The following RAB28 variants were observed in gnomAD, a reference collection of about 807,000 sequenced individuals.
RAB28 encodes RAB28, member RAS oncogene family, also known as ras-related protein Rab-28.
Under a neutral mutation model 31.7 loss-of-function variants are expected in RAB28, and 24 were observed. The ratio of observed to expected loss-of-function variants is 0.76; its 90% CI spans 0.55 to 1.06. RAB28 has a LOEUF of 1.06. RAB28 is among the 50% of genes least tolerant of loss of function. The pLI, the probability that RAB28 is intolerant of heterozygous loss-of-function variation, is 0.00. For synonymous variants in RAB28, 100 were observed against 90.4 expected, an observed-to-expected ratio of 1.11 and a Z score of -0.60; for missense variants, 254 against 258.5, an observed-to-expected ratio of 0.98 and a Z score of 0.12.
intron 4 of RAB28, among the ~76,000 whole-genome samples, chr4:13,447,506 T>C (rs564270380): frequency 4.6e-5 from 7 of 152,284 alleles, no homozygotes; most frequent in African/African-American, 1.2e-4. Context: ...ACCTGTTGAA[T>C]TGATTTACTT....
At chr4:13,482,517 G>A (rs916389278) in intron 1 of RAB28, among the ~76,000 whole-genome samples, 1 of 152,090 alleles carries the variant, frequency 6.6e-6, no homozygotes, top group African/African-American at 2.4e-5. Flanking sequence ...CAAAACCTTA[G>A]ACGGCCTTCA....
chr4:13,407,124 G>T (rs932108541), intron 4 of RAB28, among the ~76,000 whole-genome samples: 8 of 152,136 alleles, frequency 5.3e-5, no homozygotes, highest in Non-Finnish European at 1.2e-4. Flanking sequence ...TTCTTCTAGG[G>T]TATTTATGGT....
At chr4:13,422,106 C>A (rs564966273) in intron 4 of RAB28, among the ~76,000 whole-genome samples, 1 of 151,538 alleles carries the variant, frequency 6.6e-6, no homozygotes, top group Non-Finnish European at 1.5e-5. Flanking sequence ...TGAACAGACA[C>A]TTCTCTAAAG....
chr4:13,371,933 C>A, intron 6 of RAB28: 2 of 1,404,922 alleles, frequency 1.4e-6, no homozygotes, highest in South Asian at 2.5e-5. Context: ...GAGCATTTGC[C>A]AAGTGTATAC....
At chr4:13,371,603 A>G (rs1728716034) in intron 6 of RAB28, 1 of 985,198 alleles carries the variant, frequency 1.0e-6, no homozygotes, top group African/African-American at 1.7e-5. Flanking sequence ...TCTTTGACAT[A>G]AAGCTTTGTA....
At chr4:13,403,935 C>A (rs943936804) in intron 4 of RAB28, among the ~76,000 whole-genome samples, 3 of 152,118 alleles carry the variant, frequency 2.0e-5, no homozygotes, top group African/African-American at 7.2e-5. Context: ...AAAAATGAAA[C>A]CATTGTCTCA....
At chr4:13,418,623 C>G (rs1187038776) in intron 4 of RAB28, among the ~76,000 whole-genome samples, 1 of 152,196 alleles carries the variant, frequency 6.6e-6, no homozygotes, top group Non-Finnish European at 1.5e-5. Context: ...AAAGAATTTT[C>G]AACCCAGAAT....
At chr4:13,385,367 T>G (rs1157968246) in intron 4 of RAB28, among the ~76,000 whole-genome samples, 1 of 152,068 alleles carries the variant, frequency 6.6e-6, no homozygotes, top group Non-Finnish European at 1.5e-5. Flanking sequence ...AGTAAGATAC[T>G]TCACAAGAAG....
chr4:13,416,356 G>A (rs755975000), intron 4 of RAB28, among the ~76,000 whole-genome samples: 17 of 152,042 alleles, frequency 1.1e-4, no homozygotes, highest in East Asian at 5.8e-4. Flanking sequence ...AAGAAACTCC[G>A]AATATATCCA....
intron 6 of RAB28, chr4:13,370,009 T>TAA (rs749587599): frequency 3.5e-5 from 43 of 1,233,416 alleles, no homozygotes; most frequent in South Asian, 1.3e-4. Context: ...AAAAAAGAAT[T>TAA]AAAAAAAAAA....
intron 4 of RAB28, among the ~76,000 whole-genome samples, chr4:13,451,061 G>A (rs186404612): frequency 6.6e-6 from 1 of 151,884 alleles, no homozygotes; most frequent in East Asian, 1.9e-4. Flanking sequence ...TGCAATTTGG[G>A]AACAGAACTG....
intron 5 of RAB28, among the ~76,000 whole-genome samples, chr4:13,380,572 T>C (rs1233691487): frequency 3.3e-5 from 5 of 152,156 alleles, no homozygotes; most frequent in Non-Finnish European, 7.4e-5. Context: ...GAAGTATCTT[T>C]TTTCTTTTTT....
chr4:13,397,159 TAG>T (rs999584677), intron 4 of RAB28, among the ~76,000 whole-genome samples: 1 of 152,134 alleles, frequency 6.6e-6, no homozygotes, highest in Non-Finnish European at 1.5e-5. Flanking sequence ...ATTAATGAAC[TAG>T]AGTTTCACAC....
intron 4 of RAB28, among the ~76,000 whole-genome samples, chr4:13,456,775 C>T (rs970039256): frequency 1.9e-4 from 29 of 151,794 alleles, no homozygotes; most frequent in African/African-American, 6.8e-4. Flanking sequence ...GTACTAGTTG[C>T]CATTCTTTCA....
At chr4:13,447,484 G>A (rs144918136) in intron 4 of RAB28, among the ~76,000 whole-genome samples, 1,690 of 152,236 alleles carry the variant, frequency 0.011, 14 homozygotes, top group Non-Finnish European at 0.015. Context: ...GAGAGAGAGA[G>A]AGAAAGACCA....
intron 4 of RAB28, among the ~76,000 whole-genome samples, chr4:13,400,866 C>T (rs1215989697): frequency 6.6e-6 from 1 of 152,166 alleles, no homozygotes; most frequent in African/African-American, 2.4e-5. Flanking sequence ...TGGTAAGCTA[C>T]ATTAAATAAT....
At position 13,458,805 on chromosome 4, in the gene RAB28, C is replaced by G. The variant is rs557148285; in HGVS notation, c.391+1894G>C. 3.3e-5 allele frequency among the ~76,000 whole-genome samples: 5 copies of G among 152,280 alleles called. No individual in the cohort carries two copies. The South Asian group carries it at 8.3e-4, about 25-fold the overall frequency. ...GCTATACAAGTTTGTAGCCTAGGAG[C>G]AATAGGCTGTGCCATATAGCTTAGG... On this transcript the variant is annotated intron_variant, in intron 4 of 6. Coordinates refer to ENST00000330852, the MANE Select transcript of RAB28 (RefSeq NM_001017979.3).
At chr4:13,412,689 G>C (rs1712512654) in intron 4 of RAB28, among the ~76,000 whole-genome samples, 2 of 151,810 alleles carry the variant, frequency 1.3e-5, no homozygotes, top group Non-Finnish European at 2.9e-5. Context: ...AAAACAAAAA[G>C]AATAAGAAAA....
At chr4:13,373,121 C>G (rs116816242) in intron 6 of RAB28, among the ~76,000 whole-genome samples, 117 of 152,194 alleles carry the variant, frequency 7.7e-4, no homozygotes, top group Non-Finnish European at 1.2e-3. Context: ...AACTTCCTTG[C>G]AATTCAGACT....
Sources: allele counts gnomAD v4.1 joint callset (sites outside exome capture counted in the v4.1 genomes callset), GRCh38; gene constraint gnomAD v4.1.1; transcripts MANE v1.5; gene names NCBI Gene and HGNC (gene_info 2026-07-23, HGNC 2026-07-21).